The following EXOC4 variants were observed in gnomAD, a reference collection of about 807,000 sequenced individuals.
The protein encoded by EXOC4 is SEC8-like 1.
A neutral mutation model predicts 107.2 loss-of-function variants in EXOC4; 71 were observed. The observed-to-expected ratio is 0.66, with a 90% CI of 0.55 to 0.81. The LOEUF (loss-of-function observed/expected upper bound fraction) is 0.81. EXOC4 is among the 30% of genes least tolerant of loss of function. EXOC4 has a pLI of 0.00. For missense variants in EXOC4, 1,108 were observed against 1,189.6 expected (o/e 0.93, Z 1.01); for synonymous variants, 456 against 441.2 (o/e 1.03, Z -0.42).
intron 9 of EXOC4, among the ~76,000 whole-genome samples, chr7:133,625,364 A>G (rs1802428680): frequency 6.6e-6 from 1 of 152,222 alleles, no homozygotes; most frequent in Non-Finnish European, 1.5e-5. Flanking sequence ...GGGAATGCTG[A>G]CGCTCAGAGA....
intron 9 of EXOC4, among the ~76,000 whole-genome samples, chr7:133,532,879 G>A (rs1584981855): frequency 6.6e-6 from 1 of 152,204 alleles, no homozygotes; most frequent in East Asian, 1.9e-4. Flanking sequence ...ACAGGAAATA[G>A]GGTTGCTATA....
intron 11 of EXOC4, among the ~76,000 whole-genome samples, chr7:133,858,150 G>A (rs1009497100): frequency 2.2e-4 from 33 of 152,144 alleles, no homozygotes; most frequent in Admixed American, 1.9e-3. Flanking sequence ...AGCCCTTTTC[G>A]CACCCACCAT....
intron 10 of EXOC4, among the ~76,000 whole-genome samples, chr7:133,801,699 A>T (rs1395985400): frequency 6.6e-6 from 1 of 152,158 alleles, no homozygotes; most frequent in African/African-American, 2.4e-5. Context: ...TCACTGAAGA[A>T]CTCAGAGGCA....
intron 5 of EXOC4, among the ~76,000 whole-genome samples, chr7:133,320,801 G>A (rs1456043755): frequency 6.6e-6 from 1 of 152,100 alleles, no homozygotes; most frequent in Non-Finnish European, 1.5e-5. Flanking sequence ...ATTATTAAAG[G>A]GAATTGTATA....
intron 9 of EXOC4, among the ~76,000 whole-genome samples, chr7:133,551,210 A>G (rs2150941654): frequency 1.3e-5 from 2 of 152,306 alleles, no homozygotes; most frequent in Middle Eastern, 3.4e-3. Flanking sequence ...AAATAGTGTG[A>G]TGCTAAGCAT....
At chr7:133,979,180 C>A (rs1435281017) in intron 14 of EXOC4, among the ~76,000 whole-genome samples, 1 of 152,132 alleles carries the variant, frequency 6.6e-6, no homozygotes. Context: ...AATCCAATTT[C>A]TGTCTCTTCA....
chr7:133,572,462 AT>A (rs1186981549), intron 9 of EXOC4, among the ~76,000 whole-genome samples: 8 of 152,314 alleles, frequency 5.3e-5, no homozygotes, highest in East Asian at 1.9e-4. Flanking sequence ...TATAAAAAAA[AT>A]AAATCAAGAA....
At chr7:133,448,955 A>C (rs192093666) in intron 7 of EXOC4, among the ~76,000 whole-genome samples, 26 of 152,202 alleles carry the variant, frequency 1.7e-4, no homozygotes, top group Admixed American at 4.6e-4. Flanking sequence ...AAATACAAAA[A>C]TTATCTGGGT....
chr7:133,677,982 C>T (rs940907261), intron 10 of EXOC4, among the ~76,000 whole-genome samples: 3 of 152,146 alleles, frequency 2.0e-5, no homozygotes, highest in African/African-American at 7.2e-5. Flanking sequence ...CTAAAACTTG[C>T]AATTTTTAAT....
chr7:133,772,145 C>A (rs1201146952), intron 10 of EXOC4, among the ~76,000 whole-genome samples: 2 of 151,904 alleles, frequency 1.3e-5, no homozygotes, highest in African/African-American at 4.8e-5. Flanking sequence ...ATATATGAGG[C>A]ACGAGTTCAA....
At chr7:133,863,447 A>T (rs896981881) in intron 11 of EXOC4, among the ~76,000 whole-genome samples, 1 of 152,222 alleles carries the variant, frequency 6.6e-6, no homozygotes, top group African/African-American at 2.4e-5. Flanking sequence ...GAGACACAGT[A>T]ACCATATACT....
At chr7:134,024,916 A>G (rs1795105202) in intron 17 of EXOC4, among the ~76,000 whole-genome samples, 1 of 152,240 alleles carries the variant, frequency 6.6e-6, no homozygotes, top group Non-Finnish European at 1.5e-5. Context: ...CAGCAGAGCA[A>G]GACCTGGTGT....
chr7:133,777,957 C>G (rs913300361), intron 10 of EXOC4, among the ~76,000 whole-genome samples: 1 of 152,222 alleles, frequency 6.6e-6, no homozygotes, highest in Admixed American at 6.5e-5. Flanking sequence ...TACATCATCT[C>G]TGCATCTCTG....
intron 8 of EXOC4, among the ~76,000 whole-genome samples, chr7:133,477,719 A>T (rs928712777): frequency 1.4e-4 from 21 of 152,234 alleles, no homozygotes; most frequent in Non-Finnish European, 2.6e-4. Flanking sequence ...GCTTCATAAG[A>T]CACTGTCAAA....
intron 14 of EXOC4, among the ~76,000 whole-genome samples, chr7:133,956,248 TAGG>T (rs1245747721): frequency 6.6e-6 from 1 of 152,202 alleles, no homozygotes; most frequent in Non-Finnish European, 1.5e-5. Context: ...ATGACATAAT[TAGG>T]AGTTTAGCAG....
chr7:133,988,339 A>C (rs967040410), intron 14 of EXOC4, among the ~76,000 whole-genome samples: 2 of 152,186 alleles, frequency 1.3e-5, no homozygotes, highest in Non-Finnish European at 2.9e-5. Flanking sequence ...CTAAGGAGAA[A>C]GTTAGAGTTG....
rs752093020 is a variant in EXOC4, at chr7:133,969,900, G to T, written c.2207-27592G>T. Among the ~76,000 whole-genome samples, 88 of 152,168 alleles carry T rather than the reference G, an allele frequency of 5.8e-4. 3 individuals carry two copies. The highest frequency in any genetic ancestry group is 2.6e-4 in the Admixed American group (4 of 15,272). ...AGATCTGCTGCTCTCTTCAGAGCTGGCAGGCAGGAACATTTAAGTCTGCTG... is the reference window on the plus strand; with the variant it reads ...AGATCTGCTGCTCTCTTCAGAGCTGTCAGGCAGGAACATTTAAGTCTGCTG... On this transcript the variant is annotated intron_variant, in intron 14 of 17. Transcript: ENST00000253861.
chr7:133,389,818 C>T (rs1796810910), intron 7 of EXOC4, among the ~76,000 whole-genome samples: 1 of 150,366 alleles, frequency 6.7e-6, no homozygotes, highest in Admixed American at 6.7e-5. Context: ...ATCACAGTTC[C>T]ATGTGGCTGG....
chr7:133,941,736 A>T (rs916495408), intron 14 of EXOC4, among the ~76,000 whole-genome samples: 1 of 152,078 alleles, frequency 6.6e-6, no homozygotes, highest in Non-Finnish European at 1.5e-5. Context: ...GCATTGACTC[A>T]TACAGCAGAT....
Sources: gnomAD v4.1 joint callset for allele counts (sites outside exome capture counted in the v4.1 genomes callset) on GRCh38, gnomAD v4.1.1 for gene constraint, MANE v1.5 for transcripts, NCBI Gene and HGNC (gene_info 2026-07-23, HGNC 2026-07-21) for gene names.